ARFGAP3: variants seen among roughly 807,000 people sequenced by gnomAD.
ARFGAP3 encodes the protein ARF GTPase activating protein 3, also known as ADP-ribosylation factor GTPase-activating protein 3.
A neutral mutation model predicts 75.0 loss-of-function variants in ARFGAP3; 72 were observed. That is an observed-to-expected ratio of 0.96 (90% confidence interval 0.79 to 1.17). The LOEUF is 1.17. Ranked by LOEUF, ARFGAP3 falls within the 50% of genes most tolerant of loss-of-function variation. ARFGAP3 has a pLI of 0.00. For synonymous variants in ARFGAP3, 221 were observed against 217.9 expected (o/e 1.01, Z -0.13); for missense variants, 620 against 626.6 (o/e 0.99, Z 0.11).
At chr22:42,846,712 G>A (rs1927035572) in intron 2 of ARFGAP3, among the ~76,000 whole-genome samples, 2 of 152,248 alleles carry the variant, frequency 1.3e-5, no homozygotes, top group Admixed American at 1.3e-4. Flanking sequence ...GATACAAGGA[G>A]AGTGTCTCAT....
chr22:42,810,976 G>A (rs1289768276), intron 11 of ARFGAP3, 32 bp from the exon 12 acceptor site: 3 of 1,608,474 alleles, frequency 1.9e-6, no homozygotes, highest in Non-Finnish European at 2.5e-6. Context: ...AGTGACTTTG[G>A]AGGTCCTTGT....
chr22:42,810,140 C>G (rs1370980823), intron 12 of ARFGAP3, among the ~76,000 whole-genome samples: 4 of 152,048 alleles, frequency 2.6e-5, no homozygotes, highest in African/African-American at 9.6e-5. Flanking sequence ...ACAGAGGATT[C>G]TGATGTGCAC....
chr22:42,814,211 T>C (rs1024253701), intron 11 of ARFGAP3, among the ~76,000 whole-genome samples: 1 of 152,226 alleles, frequency 6.6e-6, no homozygotes, highest in African/African-American at 2.4e-5. Flanking sequence ...TCTTTCATAA[T>C]TCATAATGTT....
In ARFGAP3 at chr22:42,797,065, A is replaced by C. The variant is rs1924633189; in HGVS notation, c.*523T>G. 1 of 152,510 alleles carries C rather than the reference A, an allele frequency of 6.6e-6. No individual in the cohort carries two copies. The highest frequency in any genetic ancestry group is 6.5e-5 in the Admixed American group (1 of 15,298). The allele number at this position is 152,510 out of a possible 1,614,324, so 9.4% of individuals were successfully genotyped here. A position where few individuals can be genotyped will look rare whatever the true frequency, so the allele number is the denominator to read the frequency against. On this transcript the variant is annotated 3_prime_UTR_variant, in exon 16 of 16. Coordinates refer to ENST00000263245, the MANE Select transcript of ARFGAP3 (RefSeq NM_014570.5). ...ATTTACAAAGAGACAGATGACTTCA[A>C]ATATTATTTGGCAGTCACCTTACTA...
Position 42,817,755 on chromosome 22 carries a change from G to C in ARFGAP3, c.915C>G (p.Leu305=), listed in dbSNP as rs139738143. The part of the protein sequence containing the change: ...SGKKNVDSDR[L]GMGFGNCRSV... ...TTCTGCAATTTCCAAATCCCATGCC[G>C]AGTCTGTCTGAGTCAACATTTTTTT... Residue 305 remains leucine (L), a synonymous_variant, in exon 10 of 16, where the codon CTC becomes CTG. Transcript: ENST00000263245. 2.5e-6 allele frequency: 4 copies of C among 1,612,886 alleles called. No homozygotes were observed. The highest frequency in any genetic ancestry group is 2.5e-6 in the Non-Finnish European group (3 of 1,179,620).
intron 3 of ARFGAP3, among the ~76,000 whole-genome samples, chr22:42,836,744 C>T (rs552482641): frequency 2.0e-5 from 3 of 152,240 alleles, no homozygotes; most frequent in South Asian, 2.1e-4. Context: ...CCACATGTTC[C>T]GGATCCTGTT....
Position 42,807,106 on chromosome 22 carries a change from C to T in ARFGAP3, c.1378G>A (p.Asp460Asn). The T allele has an allele frequency of 3.7e-6, 6 of 1,612,708 alleles. No homozygotes were observed. Among genetic ancestry groups the T allele is most frequent in the Non-Finnish European group, 5.1e-6 (6 of 1,179,488 alleles). The change falls in exon 14 of 16, where the codon GAT (aspartate) becomes AAT (asparagine). Residue 460 changes from aspartate (D) to asparagine (N), a missense_variant. Physicochemically the swap from Asp to Asn is conservative, Grantham distance 23 (BLOSUM62 1). Transcript: ENST00000263245. ...LSASSSISSA[D>N]LFEEPRKQPA... is the part of the protein sequence containing the mutation. ...TGCTTCCTCGGCTCCTCGAACAGAT[C>T]AGCCGAGCTTATGGAGGAACTTGCC...
At chr22:42,847,350 A>G in intron 2 of ARFGAP3, 164 bp downstream of exon 2, 2 of 592,704 alleles carry the variant, frequency 3.4e-6, no homozygotes, top group Non-Finnish European at 3.0e-6. Context: ...TTTTTTGTAG[A>G]GGCTGAGTTC....
Position 42,857,256 on chromosome 22 carries a change from CA to C in ARFGAP3, c.-75del, listed in dbSNP as rs1927551319. On this transcript the variant is annotated 5_prime_UTR_variant, in exon 1 of 16. Transcript: ENST00000263245. ...CGACGAAAAGCGGCTACCGCCTCAG[CA>C]GGAGCGACGAGGCCGCGGGGGCGGG... The C allele has an allele frequency of 3.1e-5, 46 of 1,476,108 alleles. No homozygotes were observed. In the South Asian group the frequency reaches 5.9e-4, roughly 19 times the overall value. 91.4% of individuals were successfully genotyped at this position (1,476,108 alleles called of 1,614,324 possible). A position where few individuals can be genotyped will look rare whatever the true frequency, so the allele number is the denominator to read the frequency against.
At chr22:42,846,974 T>C (rs930405125) in intron 2 of ARFGAP3, among the ~76,000 whole-genome samples, 2 of 152,186 alleles carry the variant, frequency 1.3e-5, no homozygotes, top group African/African-American at 2.4e-5. Flanking sequence ...TTCTTACTGG[T>C]TGGACTCTGT....
At chr22:42,807,287 A>C in intron 13 of ARFGAP3, 124 bp from the exon 14 acceptor site, 1 of 1,447,276 alleles carries the variant, frequency 6.9e-7, no homozygotes, top group Non-Finnish European at 9.1e-7. Flanking sequence ...TCCAACAGTT[A>C]CTGAATGCCA....
chr22:42,825,314 C>T (rs1925989033), intron 7 of ARFGAP3, among the ~76,000 whole-genome samples: 1 of 152,276 alleles, frequency 6.6e-6, no homozygotes, highest in Non-Finnish European at 1.5e-5. Flanking sequence ...ACAACTAAAG[C>T]AGCCAGTGAC....
At chr22:42,799,267 C>CCT in intron 14 of ARFGAP3, 107 bp from the exon 15 acceptor site, 1 of 1,533,130 alleles carries the variant, frequency 6.5e-7, no homozygotes, top group Non-Finnish European at 8.8e-7. Context: ...TCTCTCCCCT[C>CCT]CTGCTGCCTC....
chr22:42,828,261 A>C (rs1926130306), intron 6 of ARFGAP3, among the ~76,000 whole-genome samples: 1 of 151,996 alleles, frequency 6.6e-6, no homozygotes, highest in South Asian at 2.1e-4. Flanking sequence ...TATCTACTAA[A>C]AAATACAAAG....
At chr22:42,820,766 A>G (rs765755064) in intron 9 of ARFGAP3, among the ~76,000 whole-genome samples, 8 of 152,166 alleles carry the variant, frequency 5.3e-5, no homozygotes, top group Non-Finnish European at 1.0e-4. Flanking sequence ...TCTTTGGTAC[A>G]GTCACGGTTT....
At chr22:42,854,837 G>T (rs1214118510) in intron 1 of ARFGAP3, among the ~76,000 whole-genome samples, 1 of 152,084 alleles carries the variant, frequency 6.6e-6, no homozygotes, top group Non-Finnish European at 1.5e-5. Context: ...CTTCGTTTAG[G>T]TAAGGGTTTC....
intron 3 of ARFGAP3, among the ~76,000 whole-genome samples, chr22:42,840,497 A>G (rs1602124807): frequency 6.7e-6 from 1 of 148,822 alleles, no homozygotes; most frequent in African/African-American, 2.5e-5. Context: ...GCTCACTGCA[A>G]CCTCTGCCTC....
chr22:42,836,330 G>A (rs1926521268), intron 3 of ARFGAP3, among the ~76,000 whole-genome samples: 1 of 152,094 alleles, frequency 6.6e-6, no homozygotes, highest in South Asian at 2.1e-4. Context: ...GGAGGGTAGT[G>A]TGGCATGATC....
At chr22:42,799,677 A>C (rs1924770671) in intron 14 of ARFGAP3, among the ~76,000 whole-genome samples, 1 of 152,196 alleles carries the variant, frequency 6.6e-6, no homozygotes, top group South Asian at 2.1e-4. Flanking sequence ...GGATTCATGT[A>C]TCCTCAAATG....
Sources: gnomAD v4.1 joint callset for allele counts (sites outside exome capture counted in the v4.1 genomes callset) on GRCh38, gnomAD v4.1.1 for gene constraint, MANE v1.5 for transcripts, NCBI Gene and HGNC (gene_info 2026-07-23, HGNC 2026-07-21) for gene names.